The following FLRT2 variants were observed in gnomAD, a reference collection of about 807,000 sequenced individuals.
FLRT2 encodes the protein fibronectin leucine rich transmembrane protein 2.
Under a neutral mutation model 40.0 loss-of-function variants are expected in FLRT2, and 15 were observed. The ratio of observed to expected loss-of-function variants is 0.38; its 90% CI spans 0.25 to 0.58. FLRT2 has a LOEUF of 0.58. FLRT2 is among the 20% of genes least tolerant of loss of function. The pLI is 0.71. For missense variants in FLRT2, 726 were observed against 840.0 expected (o/e 0.86, Z 1.68); for synonymous variants, 380 against 336.8 (o/e 1.13, Z -1.41).
Position 85,621,442 on chromosome 14 carries a change from T to C in FLRT2, c.-73T>C, listed in dbSNP as rs1404139625. On this transcript the variant is annotated 5_prime_UTR_variant, in exon 2 of 2. Transcript: ENST00000330753. ...TTCAACAGAACCCCATCCAGTCATTTTGATTTTGCTGTTTATTTTTTTTTT... is the reference window on the plus strand; with the variant it reads ...TTCAACAGAACCCCATCCAGTCATTCTGATTTTGCTGTTTATTTTTTTTTT... The C allele has an allele frequency of 5.7e-6, 8 of 1,409,370 alleles. No homozygotes were observed. Among genetic ancestry groups the C allele is most frequent in the Non-Finnish European group, 7.7e-6 (8 of 1,044,726 alleles). 87.3% of individuals were successfully genotyped at this position (1,409,370 alleles called of 1,614,324 possible).
Position 85,625,402 on chromosome 14 carries a change from A to G in FLRT2, c.*1905A>G, listed in dbSNP as rs1893635622. ...ACTTTTTCTTTATAGTAAGAGCTTT[A>G]TTTTCTTTAATAATATAGCCCAACT... On this transcript the variant is annotated 3_prime_UTR_variant, in exon 2 of 2. Coordinates refer to ENST00000330753, the MANE Select transcript of FLRT2 (RefSeq NM_013231.6). 6.0e-6 allele frequency: 1 copy of G among 166,832 alleles called. No homozygotes were observed. The highest frequency in any genetic ancestry group is 1.5e-5 in the Non-Finnish European group (1 of 68,074). 10.3% of individuals were successfully genotyped at this position (166,832 alleles called of 1,614,324 possible).
chr14:85,619,025 G>A (rs910255672), intron 1 of FLRT2, among the ~76,000 whole-genome samples: 4 of 151,558 alleles, frequency 2.6e-5, no homozygotes, highest in Admixed American at 1.3e-4. Flanking sequence ...GGAAGGAATG[G>A]CATCCTTTTC....
intron 1 of FLRT2, among the ~76,000 whole-genome samples, chr14:85,605,776 A>G (rs532511866): frequency 2.0e-5 from 3 of 152,282 alleles, no homozygotes; most frequent in African/African-American, 7.2e-5. Context: ...AAAAATAAAA[A>G]TAAATAAATA....
chr14:85,561,201 A>G (rs952479748), intron 1 of FLRT2: 2 of 152,178 alleles, frequency 1.3e-5, no homozygotes, highest in Non-Finnish European at 2.9e-5. Flanking sequence ...TTCAGAAGCT[A>G]TCTCCTGAGC....
At chr14:85,610,766 G>A (rs980417972) in intron 1 of FLRT2, among the ~76,000 whole-genome samples, 3 of 152,154 alleles carry the variant, frequency 2.0e-5, no homozygotes, top group African/African-American at 7.2e-5. Context: ...CATTTTCTAA[G>A]TTGCCATCTG....
chr14:85,557,770 T>C (rs890104734), intron 1 of FLRT2, among the ~76,000 whole-genome samples: 1 of 152,118 alleles, frequency 6.6e-6, no homozygotes, highest in Non-Finnish European at 1.5e-5. Flanking sequence ...TGAGCCGAGA[T>C]TGCACCACTG....
Position 85,654,078 on chromosome 14 carries a change from A to C in FLRT2, c.*30581A>C, listed in dbSNP as rs575324761. ...AATCAGAATGATTTCACTTAAGGCA[A>C]GGCATATTAAAATACAAATTCGTAA... On this transcript the variant is annotated 3_prime_UTR_variant, in exon 2 of 2. Transcript: ENST00000330753. 3.9e-5 allele frequency: 6 copies of C among 152,310 alleles called. No individual in the cohort carries two copies. Among genetic ancestry groups the C allele is most frequent in the African/African-American group, 1.4e-4 (6 of 41,572 alleles). 9.4% of individuals were successfully genotyped at this position (152,310 alleles called of 1,614,324 possible).
Position 85,621,468 on chromosome 14 carries a change from C to G in FLRT2, c.-47C>G. ...TGATTTTGCTGTTTATTTTTTTTTTCTTTTTCTTTTTCCCACCACATTGTA... is the reference window on the plus strand; with the variant it reads ...TGATTTTGCTGTTTATTTTTTTTTTGTTTTTCTTTTTCCCACCACATTGTA... On this transcript the variant is annotated 5_prime_UTR_variant, in exon 2 of 2. Transcript: ENST00000330753. 6.8e-7 allele frequency: 1 copy of G among 1,460,634 alleles called. No homozygotes were observed. Among genetic ancestry groups the G allele is most frequent in the African/African-American group, 1.5e-5 (1 of 68,394 alleles). The allele number at this position is 1,460,634 out of a possible 1,614,324, so 90.5% of individuals were successfully genotyped here.
chr14:85,583,573 G>A (rs978560040), intron 1 of FLRT2, among the ~76,000 whole-genome samples: 3 of 152,192 alleles, frequency 2.0e-5, no homozygotes, highest in African/African-American at 7.2e-5. Flanking sequence ...ATGCTGTGGA[G>A]AGACGCTCCT....
chr14:85,542,188 A>C (rs1408208902), intron 1 of FLRT2, among the ~76,000 whole-genome samples: 1 of 152,310 alleles, frequency 6.6e-6, no homozygotes, highest in South Asian at 2.1e-4. Context: ...ATTTTCAATT[A>C]AGTAAAGGAA....
intron 1 of FLRT2, among the ~76,000 whole-genome samples, chr14:85,598,059 T>C (rs1892219840): frequency 6.6e-6 from 1 of 152,236 alleles, no homozygotes; most frequent in Non-Finnish European, 1.5e-5. Context: ...CCTTCAGTTG[T>C]TTCACTCAAA....
At chr14:85,538,711 A>G (rs118178519) in intron 1 of FLRT2, among the ~76,000 whole-genome samples, 5,314 of 152,224 alleles carry the variant, frequency 0.035, 144 homozygotes, top group Middle Eastern at 0.058. Context: ...AATTGAAACC[A>G]CCTTCAGCAG....
Position 85,625,056 on chromosome 14 carries a change from A to G in FLRT2, c.*1559A>G, listed in dbSNP as rs1893614604. The G allele has an allele frequency of 6.0e-6, 1 of 167,078 alleles. No individual in the cohort carries two copies. The highest frequency in any genetic ancestry group is 6.5e-5 in the Admixed American group (1 of 15,274). 10.3% of individuals were successfully genotyped at this position (167,078 alleles called of 1,614,324 possible). On this transcript the variant is annotated 3_prime_UTR_variant, in exon 2 of 2. Coordinates refer to ENST00000330753, the MANE Select transcript of FLRT2 (RefSeq NM_013231.6). Reference sequence around the variant, plus strand: ...TAATCCTGGCAGAGCAGGGCGTAGAAAAGAGAGGATGTCCGTGCTTAATTC... The same window carrying G: ...TAATCCTGGCAGAGCAGGGCGTAGAGAAGAGAGGATGTCCGTGCTTAATTC...
intron 1 of FLRT2, among the ~76,000 whole-genome samples, chr14:85,553,426 G>A (rs10134966): frequency 0.05 from 7,636 of 152,130 alleles, 529 homozygotes; most frequent in African/African-American, 0.15. Context: ...GGAAGAAGAA[G>A]AATTGTCTGG....
In FLRT2 at chr14:85,582,178, G is replaced by A. The variant is rs145900647; in HGVS notation, c.-376-38961G>A. ...ATGGTAAAGCAAAAACAAATGGAGC[G>A]TTGATAGAATTCTGTTGAGTAGCCA... On this transcript the variant is annotated intron_variant, in intron 1 of 1. Coordinates refer to ENST00000330753, the MANE Select transcript of FLRT2 (RefSeq NM_013231.6). 6.2e-4 allele frequency among the ~76,000 whole-genome samples: 95 copies of A among 152,212 alleles called. 1 individual carries two copies. The East Asian group carries it at 0.016, about 26-fold the overall frequency.
Position 85,556,563 on chromosome 14 carries a change from T to C in FLRT2, c.-377+26029T>C, listed in dbSNP as rs187127295. ...CAGTTGGAGAAAATGGCTAAGCTGG[T>C]TGTGGAGGCAGACTCCCTGGGTTCA... is the stretch of plus-strand genomic sequence containing the variant. On this transcript the variant is annotated intron_variant, in intron 1 of 1. Coordinates refer to ENST00000330753, the MANE Select transcript of FLRT2 (RefSeq NM_013231.6). Among the ~76,000 whole-genome samples, 225 of 152,288 alleles carry C rather than the reference T, an allele frequency of 1.5e-3. 1 individual carries two copies. Among genetic ancestry groups the C allele is most frequent in the Non-Finnish European group, 2.8e-3 (188 of 68,028 alleles).
At chr14:85,576,684 G>C (rs527469434) in intron 1 of FLRT2, among the ~76,000 whole-genome samples, 143 of 152,258 alleles carry the variant, frequency 9.4e-4, no homozygotes, top group South Asian at 1.7e-3. Context: ...CAAGCTGTTT[G>C]TCCTATTTGT....
At chr14:85,592,008 CA>C (rs1218981500) in intron 1 of FLRT2, among the ~76,000 whole-genome samples, 2 of 152,026 alleles carry the variant, frequency 1.3e-5, no homozygotes, top group African/African-American at 4.8e-5. Context: ...TGAATAACTC[CA>C]TGAAGTTGAA....
chr14:85,592,138 CA>C (rs33941284), intron 1 of FLRT2, among the ~76,000 whole-genome samples: 46,403 of 151,312 alleles, frequency 0.31, 7,767 homozygotes, highest in African/African-American at 0.44. Context: ...AGGAAGAAAA[CA>C]AAAAAAATAT....
Sources: allele counts gnomAD v4.1 joint callset (sites outside exome capture counted in the v4.1 genomes callset), GRCh38; gene constraint gnomAD v4.1.1; transcripts MANE v1.5; gene names NCBI Gene and HGNC (gene_info 2026-07-23, HGNC 2026-07-21).